Variants in TP53BP2 observed in about 807,000 individuals in gnomAD.
The protein encoded by TP53BP2 is tumor protein p53 binding protein 2, also known as apoptosis-stimulating of p53 protein 2.
TP53BP2 carries 62 observed loss-of-function variants against 126.2 expected under a neutral mutation model. The ratio of observed to expected loss-of-function variants is 0.49; its 90% CI spans 0.40 to 0.61. The LOEUF (loss-of-function observed/expected upper bound fraction) is 0.61, where lower values mean the gene tolerates loss of function less well. TP53BP2 is among the 20% of genes least tolerant of loss of function. The pLI, the probability that TP53BP2 is intolerant of heterozygous loss-of-function variation, is 0.00. For synonymous variants in TP53BP2, 485 were observed against 502.9 expected (o/e 0.96, Z 0.48); for missense variants, 1,215 against 1,402.8 (o/e 0.87, Z 2.14).
At chr1:223,789,195 G>A (rs979299683) in intron 15 of TP53BP2, 21 bp from the exon 16 acceptor site, 2 of 1,612,288 alleles carry the variant, frequency 1.2e-6, no homozygotes, top group Admixed American at 1.7e-5. Context: ...AGATACGAGG[G>A]CTAGAACTGT....
At chr1:223,815,869 G>A (rs767107516) in intron 2 of TP53BP2, among the ~76,000 whole-genome samples, 9 of 152,212 alleles carry the variant, frequency 5.9e-5, no homozygotes, top group Non-Finnish European at 7.3e-5. Flanking sequence ...TGCTGTACAG[G>A]TTTGTAGCCT....
intron 16 of TP53BP2, among the ~76,000 whole-genome samples, chr1:223,786,088 C>T (rs570054849): frequency 6.6e-6 from 1 of 152,274 alleles, no homozygotes; most frequent in Middle Eastern, 3.4e-3. Context: ...AAATAAACTA[C>T]AGCTACAGGC....
chr1:223,791,497 T>C (rs1662155254), intron 15 of TP53BP2, among the ~76,000 whole-genome samples: 2 of 152,182 alleles, frequency 1.3e-5, no homozygotes, highest in Admixed American at 6.5e-5. Context: ...ACAATCTCAA[T>C]GTCTAATAAA....
At chr1:223,781,150 T>C (rs1189987917) in intron 17 of TP53BP2, among the ~76,000 whole-genome samples, 1 of 152,194 alleles carries the variant, frequency 6.6e-6, no homozygotes, top group Non-Finnish European at 1.5e-5. Context: ...TAAAAACCCA[T>C]GACAGTTCTA....
intron 2 of TP53BP2, among the ~76,000 whole-genome samples, chr1:223,815,092 C>T (rs1663041833): frequency 6.6e-6 from 1 of 152,168 alleles, no homozygotes; most frequent in Non-Finnish European, 1.5e-5. Context: ...GAGGCAATTG[C>T]TTAAAATCAA....
intron 15 of TP53BP2, 136 bp downstream of exon 15, chr1:223,792,253 C>T: frequency 1.0e-6 from 1 of 979,574 alleles, no homozygotes; most frequent in South Asian, 1.8e-5. Flanking sequence ...ATAGATACCA[C>T]ATTTCTCCAG....
chr1:223,812,850 C>T (rs1025903969), intron 3 of TP53BP2, among the ~76,000 whole-genome samples: 1 of 152,124 alleles, frequency 6.6e-6, no homozygotes, highest in African/African-American at 2.4e-5. Flanking sequence ...GCGTGAGCCA[C>T]CATACCCGGC....
intron 11 of TP53BP2, 35 bp from the exon 12 acceptor site, chr1:223,798,712 T>C (rs1662424312): frequency 2.7e-6 from 4 of 1,469,360 alleles, no homozygotes; most frequent in South Asian, 2.6e-5. Context: ...GTTAAAATAC[T>C]ATATAACTGG....
chr1:223,807,049 T>C, intron 4 of TP53BP2, 102 bp from the exon 5 acceptor site: 1 of 730,730 alleles, frequency 1.4e-6, no homozygotes, highest in Admixed American at 3.1e-5. Flanking sequence ...ATGAACCAAC[T>C]ATGACAAAAT....
chr1:223,843,716 A>C (rs1031018793), intron 1 of TP53BP2, among the ~76,000 whole-genome samples: 1 of 152,248 alleles, frequency 6.6e-6, no homozygotes, highest in African/African-American at 2.4e-5. Context: ...AGAATTTTCC[A>C]AAGCAATGTA....
chr1:223,845,677 G>A lies in TP53BP2; in HGVS notation c.4C>T (p.Arg2Trp), dbSNP rs892503544. The A allele has an allele frequency of 2.6e-6, 4 of 1,548,412 alleles. No individual in the cohort carries two copies. Among genetic ancestry groups the A allele is most frequent in the Non-Finnish European group, 2.6e-6 (3 of 1,154,364 alleles). Residue 2 changes from arginine to tryptophan, a missense_variant, in exon 1 of 18, where the codon CGG (arginine) becomes TGG (tryptophan). Around this residue, in one of 4 missense-constraint regions of TP53BP2, gnomAD observed 814 missense variants for 853.0 expected, o/e 0.95. Transcript: ENST00000343537. ...ACCGGCATCATCTTGGACCCGAACC[G>A]CATGGAAGCGGGTGGCCAGACTGCG... is the stretch of plus-strand genomic sequence containing the variant. MRFGSKMMPMFL... is the reference protein window; with the variant it reads MWFGSKMMPMFL...
chr1:223,817,131 C>A (rs945280032), intron 2 of TP53BP2, among the ~76,000 whole-genome samples: 4 of 150,384 alleles, frequency 2.7e-5, no homozygotes, highest in African/African-American at 9.8e-5. Flanking sequence ...CACTGCACTC[C>A]AGCCTGGGCG....
chr1:223,808,347 C>G (rs1571856242), intron 4 of TP53BP2, among the ~76,000 whole-genome samples: 1 of 151,998 alleles, frequency 6.6e-6, no homozygotes, highest in East Asian at 1.9e-4. Context: ...TCGAGACCAG[C>G]CTGACCAATA....
rs1662472797 is a variant in TP53BP2, at chr1:223,799,960, G to A, written c.1424C>T (p.Pro475Leu). Residue 475 changes from proline (P) to leucine (L), a missense_variant, in exon 11 of 18, where the codon CCA becomes CTA. Around this residue, in one of 4 missense-constraint regions of TP53BP2, gnomAD observed 814 missense variants for 853.0 expected, o/e 0.95. Coordinates refer to ENST00000343537, the MANE Select transcript of TP53BP2 (RefSeq NM_001031685.3). ...CTTCCTCAGAGTACCAAAGGAAGGT[G>A]GGGCATTGGACTGGTCTACTGCATC... is the stretch of plus-strand genomic sequence containing the variant. ...MFDAVDQSNAPPSFGTLRKNQ... is the reference protein window; with the variant it reads ...MFDAVDQSNALPSFGTLRKNQ... 6.2e-7 allele frequency: 1 copy of A among 1,613,224 alleles called. No homozygotes were observed. The highest frequency in any genetic ancestry group is 8.5e-7 in the Non-Finnish European group (1 of 1,179,712).
At chr1:223,828,563 T>G (rs925924521) in intron 1 of TP53BP2, among the ~76,000 whole-genome samples, 2 of 152,156 alleles carry the variant, frequency 1.3e-5, no homozygotes, top group Non-Finnish European at 2.9e-5. Context: ...CTATCTTGCC[T>G]CAAATTTAGT....
rs1662404244 is a variant in TP53BP2 at position 223,798,340 on chromosome 1, TGG to T, written c.1821_1822del (p.Gln608AspfsTer45). ...ATATATTGAACTTGCTGCCACGGTC[TGG>T]GGTTTTCTGAAGGGTGGAAGTAAGG... is the stretch of plus-strand genomic sequence containing the variant. On this transcript the variant is annotated frameshift_variant, in exon 12 of 18. Transcript: ENST00000343537. LOFTEE classifies it high-confidence loss of function. 3 of 1,614,048 alleles carry T rather than the reference TGG, an allele frequency of 1.9e-6. No homozygotes were observed. Among genetic ancestry groups the T allele is most frequent in the Non-Finnish European group, 2.5e-6 (3 of 1,180,032 alleles).
chr1:223,786,567 T>TGTGTGC (rs1361487370), intron 16 of TP53BP2, among the ~76,000 whole-genome samples: 5 of 131,908 alleles, frequency 3.8e-5, no homozygotes, highest in African/African-American at 1.3e-4. Context: ...TATATGTGTG[T>TGTGTGC]GTGTGCGTGT....
Position 223,806,840 on chromosome 1 carries a change from T to A in TP53BP2, c.474+6A>T. On this transcript the variant is annotated splice_donor_region_variant and intron_variant, in intron 5 of 17. Transcript: ENST00000343537. Reference sequence around the variant, plus strand: ...ATTCATCTCCAAAAAAAAAGGACGATACTACCTTAGTTGCCAGCAATTGTT... The same window carrying A: ...ATTCATCTCCAAAAAAAAAGGACGAAACTACCTTAGTTGCCAGCAATTGTT... The A allele has an allele frequency of 4.3e-6, 7 of 1,612,004 alleles. No homozygotes were observed. The highest frequency in any genetic ancestry group is 5.1e-6 in the Non-Finnish European group (6 of 1,178,560).
chr1:223,800,907 A>G (rs890306821), intron 9 of TP53BP2, 97 bp from the exon 10 acceptor site: 1 of 789,516 alleles, frequency 1.3e-6, no homozygotes, highest in Non-Finnish European at 2.0e-6. Context: ...AAACAGCTTT[A>G]AATTCCAGAC....
Sources: allele counts gnomAD v4.1 joint callset (sites outside exome capture counted in the v4.1 genomes callset), GRCh38; gene constraint gnomAD v4.1.1; regional missense constraint gnomAD v4.1.1; transcripts MANE v1.5; gene names NCBI Gene and HGNC (gene_info 2026-07-23, HGNC 2026-07-21).